The following SYN2 variants were observed in gnomAD, a reference collection of about 807,000 sequenced individuals.
SYN2 encodes the protein synapsin-2.
Under a neutral mutation model 50.9 loss-of-function variants are expected in SYN2, and 19 were observed. That is an observed-to-expected ratio of 0.37 (90% CI 0.26 to 0.55). The LOEUF (loss-of-function observed/expected upper bound fraction) is 0.55, where lower values mean the gene tolerates loss of function less well. SYN2 is among the 20% of genes least tolerant of loss of function. The probability of loss-of-function intolerance (pLI) is 0.81; values close to 1 mark genes in which losing one functional copy is unlikely to be tolerated. For missense variants in SYN2, 587 were observed against 576.4 expected (o/e 1.02, Z -0.19); for synonymous variants, 255 against 224.9 (o/e 1.13, Z -1.20).
At position 12,131,611 on chromosome 3, in the gene SYN2, T is replaced by G. The variant is rs908100270; in HGVS notation, c.378-9040T>G. ...TCCACTATAATTACAGACAAATGCA[T>G]CTAATCTTCCCGTCATGTGTTCTCC... On this transcript the variant is annotated intron_variant, in intron 1 of 12. Coordinates refer to ENST00000621198, the MANE Select transcript of SYN2 (RefSeq NM_133625.6). Among the ~76,000 whole-genome samples, 4 of 152,046 alleles carry G rather than the reference T, an allele frequency of 2.6e-5. No homozygotes were observed. The East Asian group carries it at 7.7e-4, about 29-fold the overall frequency.
chr3:12,107,737 G>T (rs1374896171), intron 1 of SYN2, among the ~76,000 whole-genome samples: 2 of 151,822 alleles, frequency 1.3e-5, no homozygotes, highest in African/African-American at 4.8e-5. Context: ...GATCCCATCT[G>T]TATTTTAAAA....
rs1210228489 is a variant in SYN2 at position 12,145,789 on chromosome 3, T to G, written c.638T>G (p.Ile213Ser). Residue 213 changes from isoleucine to serine, a missense_variant, in exon 4 of 13, where the codon ATC (isoleucine) becomes AGC (serine). Transcript: ENST00000621198. Reference sequence around the variant, plus strand: ...ATGCAGTATGCAGGCCTCCCCAGCATCAACTCACTGGAATCCATATACAAC... The same window carrying G: ...ATGCAGTATGCAGGCCTCCCCAGCAGCAACTCACTGGAATCCATATACAAC... ...IGMQYAGLPSINSLESIYNFC... is the reference protein window; with the variant it reads ...IGMQYAGLPSSNSLESIYNFC... 5 of 1,613,938 alleles carry G rather than the reference T, an allele frequency of 3.1e-6. No individual in the cohort carries two copies. The Admixed American group carries it at 6.7e-5, about 22-fold the overall frequency.
rs1028105651 is a variant in SYN2 at position 12,167,679 on chromosome 3, G to A, written c.1055+371G>A. On this transcript the variant is annotated intron_variant, in intron 8 of 12. Transcript: ENST00000621198. ...AAACAGACTAATCAAGGAGTGAGGT[G>A]TTGCTATAAAGATAGTTGAAAATGT... Among the ~76,000 whole-genome samples the A allele has an allele frequency of 5.3e-5, 8 of 151,954 alleles. No homozygotes were observed. In the East Asian group the frequency reaches 1.2e-3, roughly 22 times the overall value.
At chr3:12,098,856 CATATAT>C (rs35420190) in intron 1 of SYN2, among the ~76,000 whole-genome samples, 52 of 133,628 alleles carry the variant, frequency 3.9e-4, no homozygotes, top group African/African-American at 9.4e-4. Flanking sequence ...AAAGCAAAAG[CATATAT>C]ATATATATAT....
chr3:12,145,850 C>T lies in SYN2; in HGVS notation c.684+15C>T. On this transcript the variant is annotated intron_variant, in intron 4 of 12. Coordinates refer to ENST00000621198, the MANE Select transcript of SYN2 (RefSeq NM_133625.6). ...AGCCATGGGTGGTGAGTGAGGCCCC[C>T]TTCCCCCAAGTAAAAGGGTAGGATT... 1 of 1,613,370 alleles carries T rather than the reference C, an allele frequency of 6.2e-7. No homozygotes were observed. The highest frequency in any genetic ancestry group is 8.5e-7 in the Non-Finnish European group (1 of 1,179,602).
chr3:12,070,528 C>A (rs746882875), intron 1 of SYN2: 93 of 890,568 alleles, frequency 1.0e-4, no homozygotes, highest in Non-Finnish European at 1.5e-4. Context: ...CGTGTGGCCC[C>A]GGAGGAGCAC....
intron 1 of SYN2, among the ~76,000 whole-genome samples, chr3:12,139,428 A>G (rs1011359493): frequency 3.9e-5 from 6 of 152,106 alleles, no homozygotes. Context: ...CCAGGGGGAG[A>G]CAGTGCCTGC....
intron 1 of SYN2, among the ~76,000 whole-genome samples, chr3:12,040,517 C>T (rs963177427): frequency 1.4e-5 from 2 of 146,728 alleles, no homozygotes; most frequent in Non-Finnish European, 3.0e-5. Flanking sequence ...ACTGCAAGCT[C>T]TGCCTCCCGG....
intron 1 of SYN2, among the ~76,000 whole-genome samples, chr3:12,126,003 A>G (rs1559430125): frequency 6.6e-6 from 1 of 152,212 alleles, no homozygotes; most frequent in African/African-American, 2.4e-5. Context: ...GAGACAGACT[A>G]GAGTCTTTAA....
intron 1 of SYN2, among the ~76,000 whole-genome samples, chr3:12,087,669 C>A (rs936035975): frequency 1.3e-5 from 2 of 151,978 alleles, no homozygotes; most frequent in African/African-American, 4.8e-5. Context: ...GGGAGGATCA[C>A]TTGAGCCCAG....
chr3:12,039,729 A>C (rs1027220150), intron 1 of SYN2, among the ~76,000 whole-genome samples: 3 of 152,148 alleles, frequency 2.0e-5, no homozygotes, highest in African/African-American at 7.2e-5. Flanking sequence ...CCTCTCATGG[A>C]TATGATCATA....
intron 1 of SYN2, among the ~76,000 whole-genome samples, chr3:12,138,317 A>G (rs541472138): frequency 2.0e-5 from 3 of 152,356 alleles, no homozygotes; most frequent in African/African-American, 7.2e-5. Flanking sequence ...ACCTTAAGGA[A>G]AAGGCATTAG....
chr3:12,008,223 T>C (rs1693838821), intron 1 of SYN2, among the ~76,000 whole-genome samples: 1 of 152,142 alleles, frequency 6.6e-6, no homozygotes, highest in Non-Finnish European at 1.5e-5. Context: ...CAAGTGAGCT[T>C]TTCATCCTGG....
chr3:12,158,821 G>T, intron 5 of SYN2: 2 of 1,594,814 alleles, frequency 1.3e-6, no homozygotes, highest in Non-Finnish European at 1.7e-6. Flanking sequence ...GCTTGGCGCG[G>T]GCCGAGGGCT....
At chr3:12,110,108 G>C (rs1009017135) in intron 1 of SYN2, among the ~76,000 whole-genome samples, 1 of 152,170 alleles carries the variant, frequency 6.6e-6, no homozygotes, top group Non-Finnish European at 1.5e-5. Flanking sequence ...AGGGTTGCTT[G>C]AGCCCAGGGT....
At chr3:12,037,716 A>G (rs1450626302) in intron 1 of SYN2, among the ~76,000 whole-genome samples, 1 of 152,166 alleles carries the variant, frequency 6.6e-6, no homozygotes, top group Non-Finnish European at 1.5e-5. Flanking sequence ...CTCACGACCT[A>G]ATTGCTGTTA....
chr3:12,159,185 C>A, intron 5 of SYN2: 1 of 295,064 alleles, frequency 3.4e-6, no homozygotes, highest in Non-Finnish European at 6.3e-6. Flanking sequence ...GCCACAAAGA[C>A]AAATGCATGA....
intron 2 of SYN2, 126 bp from the exon 3 acceptor site, chr3:12,141,779 A>T: frequency 1.5e-6 from 1 of 651,910 alleles, no homozygotes; most frequent in Non-Finnish European, 2.9e-6. Context: ...AATTAGACTA[A>T]CTCAGTATGT....
intron 1 of SYN2, among the ~76,000 whole-genome samples, chr3:12,040,939 C>G (rs1002073688): frequency 6.6e-6 from 1 of 152,132 alleles, no homozygotes; most frequent in African/African-American, 2.4e-5. Flanking sequence ...GAGGTACTTT[C>G]TTAGAGCTGG....
Sources: allele counts gnomAD v4.1 joint callset (sites outside exome capture counted in the v4.1 genomes callset), GRCh38; gene constraint gnomAD v4.1.1; transcripts MANE v1.5; gene names NCBI Gene and HGNC (gene_info 2026-07-23, HGNC 2026-07-21).